C1QTNF3: variants seen among roughly 807,000 people sequenced by gnomAD.
C1QTNF3 encodes C1q and TNF related 3, also known as complement C1q tumor necrosis factor-related protein 3.
C1QTNF3 carries 26 observed loss-of-function variants against 32.6 expected under a neutral mutation model. The observed-to-expected ratio is 0.80, with a 90% CI of 0.58 to 1.11. C1QTNF3 has a LOEUF of 1.11. Among genes scored for constraint, C1QTNF3 ranks in the 50% least tolerant of loss-of-function variants. C1QTNF3 has a pLI of 0.00. For synonymous variants in C1QTNF3, 155 were observed against 146.0 expected, an observed-to-expected ratio of 1.06 and a Z score of -0.44; for missense variants, 362 against 398.2, an observed-to-expected ratio of 0.91 and a Z score of 0.77.
At chr5:34,175,626 G>A in the C1QTNF3 span, 1 of 498,672 alleles carries the variant, frequency 2.0e-6, no homozygotes, top group African/African-American at 1.9e-5. Flanking sequence ...TATGTGGGAA[G>A]CGGGGACCTG....
chr5:34,095,796 A>G, the C1QTNF3 span, among the ~76,000 whole-genome samples: 1 of 152,186 alleles, frequency 6.6e-6, no homozygotes, highest in South Asian at 2.1e-4. Flanking sequence ...ATATATACGA[A>G]TAAACACAGA....
chr5:34,056,479 T>TATATATATATAG, the C1QTNF3 span, among the ~76,000 whole-genome samples: 13 of 51,774 alleles, frequency 2.5e-4, no homozygotes, highest in Non-Finnish European at 4.0e-4. Flanking sequence ...TATATATATA[T>TATATATATATAG]AGAGAGAGAG....
the C1QTNF3 span, among the ~76,000 whole-genome samples, chr5:34,096,382 C>CT: frequency 1.5e-5 from 2 of 132,256 alleles, no homozygotes; most frequent in African/African-American, 5.7e-5. Flanking sequence ...AGACATGCAC[C>CT]TTTTTTTCCA....
chr5:34,060,130 C>T, the C1QTNF3 span, among the ~76,000 whole-genome samples: 5 of 152,200 alleles, frequency 3.3e-5, no homozygotes, highest in Admixed American at 2.6e-4. Context: ...GCAAATACTT[C>T]CTAATGTAAA....
At chr5:34,155,160 G>A in the C1QTNF3 span, among the ~76,000 whole-genome samples, 3 of 152,178 alleles carry the variant, frequency 2.0e-5, no homozygotes, top group Non-Finnish European at 4.4e-5. Context: ...TGACTAAAAA[G>A]GAGAAAAGAA....
chr5:34,031,173 G>A (rs1317011719), intron 3 of C1QTNF3, among the ~76,000 whole-genome samples: 6 of 152,074 alleles, frequency 3.9e-5, no homozygotes, highest in East Asian at 3.8e-4. Flanking sequence ...TTAATCCTTC[G>A]TCCAAATGAG....
chr5:34,202,633 T>A, the C1QTNF3 span, among the ~76,000 whole-genome samples: 1 of 151,742 alleles, frequency 6.6e-6, no homozygotes, highest in South Asian at 2.1e-4. Context: ...TTTATCAGTA[T>A]ATGTGATTAC....
chr5:34,128,587 T>C, the C1QTNF3 span, among the ~76,000 whole-genome samples: 970 of 152,344 alleles, frequency 6.4e-3, 5 homozygotes, highest in Middle Eastern at 0.02. Context: ...GCCCACTTGT[T>C]GCATCAGCAT....
intron 2 of C1QTNF3, among the ~76,000 whole-genome samples, chr5:34,035,030 C>T (rs1210243421): frequency 1.3e-5 from 2 of 152,094 alleles, no homozygotes; most frequent in Non-Finnish European, 2.9e-5. Context: ...CAATAAAACC[C>T]AAGATAGGCT....
the C1QTNF3 span, among the ~76,000 whole-genome samples, chr5:34,102,864 G>A: frequency 6.6e-6 from 1 of 152,378 alleles, no homozygotes; most frequent in East Asian, 1.9e-4. Flanking sequence ...GATAGCATTA[G>A]GAGATACACC....
At chr5:34,177,358 G>C in the C1QTNF3 span, among the ~76,000 whole-genome samples, 3 of 152,086 alleles carry the variant, frequency 2.0e-5, no homozygotes, top group African/African-American at 7.2e-5. Flanking sequence ...TGTCACCCAG[G>C]TGGGAGTACA....
the C1QTNF3 span, among the ~76,000 whole-genome samples, chr5:34,094,029 A>G: frequency 1.3e-5 from 2 of 152,178 alleles, no homozygotes; most frequent in Non-Finnish European, 2.9e-5. Flanking sequence ...ATCCTGCATC[A>G]CCAGGATGCC....
chr5:34,075,713 A>G, the C1QTNF3 span, among the ~76,000 whole-genome samples: 5 of 151,762 alleles, frequency 3.3e-5, no homozygotes, highest in Admixed American at 3.3e-4. Flanking sequence ...GAATTACTCT[A>G]TGAACCACAA....
the C1QTNF3 span, among the ~76,000 whole-genome samples, chr5:34,183,479 C>A: frequency 1.4e-4 from 21 of 146,972 alleles, no homozygotes; most frequent in African/African-American, 5.2e-4. Context: ...TACAGGAATG[C>A]ACCACCATGC....
the C1QTNF3 span, among the ~76,000 whole-genome samples, chr5:34,097,213 C>T: frequency 3.3e-5 from 5 of 151,520 alleles, no homozygotes; most frequent in African/African-American, 9.7e-5. Context: ...AAAAAAAAAC[C>T]GAAACATTTT....
chr5:34,196,810 C>T, the C1QTNF3 span, among the ~76,000 whole-genome samples: 11 of 151,898 alleles, frequency 7.2e-5, no homozygotes, highest in Non-Finnish European at 1.6e-4. Flanking sequence ...CAGGCGCCCG[C>T]CACCACGCCC....
the C1QTNF3 span, among the ~76,000 whole-genome samples, chr5:34,212,599 T>C: frequency 6.6e-6 from 1 of 151,734 alleles, no homozygotes; most frequent in Non-Finnish European, 1.5e-5. Context: ...GCAAAGGACA[T>C]GAACAGACAC....
chr5:34,232,357 G>T, the C1QTNF3 span, among the ~76,000 whole-genome samples: 1 of 151,276 alleles, frequency 6.6e-6, no homozygotes, highest in African/African-American at 2.4e-5. Context: ...CAGTCTGTTG[G>T]GAAGGCATGA....
At chr5:34,222,827 G>A in the C1QTNF3 span, among the ~76,000 whole-genome samples, 27 of 151,824 alleles carry the variant, frequency 1.8e-4, no homozygotes, top group African/African-American at 5.8e-4. Flanking sequence ...GCTGCAAACT[G>A]GCTAGCAATA....
Sources: allele counts gnomAD v4.1 joint callset (sites outside exome capture counted in the v4.1 genomes callset), GRCh38; gene constraint gnomAD v4.1.1; transcripts MANE v1.5; gene names NCBI Gene and HGNC (gene_info 2026-07-23, HGNC 2026-07-21).